ANXA5: variants seen among roughly 807,000 people sequenced by gnomAD.
ANXA5 encodes the protein annexin A5, also known as CBP-I.
Under a neutral mutation model 48.1 loss-of-function variants are expected in ANXA5, and 40 were observed. The observed-to-expected ratio is 0.83, with a 90% confidence interval of 0.65 to 1.08. The LOEUF (loss-of-function observed/expected upper bound fraction) is 1.08, where lower values mean the gene tolerates loss of function less well. ANXA5 is among the 50% of genes least tolerant of loss of function. ANXA5 has a pLI of 0.00. For missense variants in ANXA5, 357 were observed against 376.8 expected, an observed-to-expected ratio of 0.95 and a Z score of 0.44; for synonymous variants, 113 against 129.1, an observed-to-expected ratio of 0.88 and a Z score of 0.85.
rs770783558 is a variant in ANXA5 at position 121,686,304 on chromosome 4, C to T, written c.78G>A (p.Lys26=). 1 of 1,613,990 alleles carries T rather than the reference C, an allele frequency of 6.2e-7. No homozygotes were observed. The highest frequency in any genetic ancestry group is 8.5e-7 in the Non-Finnish European group (1 of 1,179,922). Residue 26 remains lysine (K), a synonymous_variant, in exon 3 of 13, where the codon AAG becomes AAA. Transcript: ENST00000296511. ...DERADAETLR[K]AMKGLGTDEE... is the part of the protein sequence containing the mutation. The stretch of plus-strand genomic sequence containing the variant: ...TAAATTTACCCAAGCCTTTCATAGC[C>T]TTCCGAAGAGTTTCTGCATCAGCCC...
In ANXA5 at chr4:121,668,269, C is replaced by T. The variant is rs1423490809; in HGVS notation, c.*199G>A. ...TAACATTAAGTACACTTTAGTACTA[C>T]AGCAGTCAAAGAGATCTCCACTAGA... is the stretch of plus-strand genomic sequence containing the variant. On this transcript the variant is annotated 3_prime_UTR_variant, in exon 13 of 13. Transcript: ENST00000296511. The T allele has an allele frequency of 5.6e-6, 3 of 538,678 alleles. No homozygotes were observed. The highest frequency in any genetic ancestry group is 1.0e-5 in the Non-Finnish European group (3 of 301,262). 33.4% of individuals were successfully genotyped at this position (538,678 alleles called of 1,614,324 possible).
At chr4:121,669,774 CAT>C in intron 11 of ANXA5, 50 bp from the exon 12 acceptor site, 1 of 1,563,214 alleles carries the variant, frequency 6.4e-7, no homozygotes, top group Non-Finnish European at 8.6e-7. Flanking sequence ...AAACTTCAAA[CAT>C]AGGATCAAAT....
At chr4:121,678,927 A>G (rs1724745449) in intron 6 of ANXA5, among the ~76,000 whole-genome samples, 1 of 152,150 alleles carries the variant, frequency 6.6e-6, no homozygotes, top group African/African-American at 2.4e-5. Context: ...CACTCCTAAT[A>G]AGGTATTTTT....
chr4:121,681,005 A>C (rs1421732640), intron 6 of ANXA5, among the ~76,000 whole-genome samples: 2 of 152,194 alleles, frequency 1.3e-5, no homozygotes, highest in African/African-American at 4.8e-5. Context: ...GAAACTGGAT[A>C]GTCTGACCCT....
rs1416720875 is a variant in ANXA5 at position 121,678,089 on chromosome 4, T to G, written c.475-139A>C. On this transcript the variant is annotated intron_variant, in intron 7 of 12. Coordinates refer to ENST00000296511, the MANE Select transcript of ANXA5 (RefSeq NM_001154.4). ...TTTATTAAGATCAATCCTGCACTAT[T>G]TCACGTTATCATCACCCAGCACTGT... 2.1e-5 allele frequency: 15 copies of G among 723,602 alleles called. 1 individual carries two copies. The highest frequency in any genetic ancestry group is 5.3e-5 in the African/African-American group (3 of 56,634). 44.8% of individuals were successfully genotyped at this position (723,602 alleles called of 1,614,324 possible).
At chr4:121,683,021 A>C (rs775445310) in intron 5 of ANXA5, among the ~76,000 whole-genome samples, 7 of 152,146 alleles carry the variant, frequency 4.6e-5, no homozygotes, top group Non-Finnish European at 1.0e-4. Flanking sequence ...TTCCCTAATC[A>C]GGCAATTTTC....
At position 121,668,521 on chromosome 4, in the gene ANXA5, T is replaced by C. The variant is rs1724558687; in HGVS notation, c.910A>G (p.Thr304Ala). The change falls in exon 13 of 13, where the codon ACA (threonine) becomes GCA (alanine). Residue 304 changes from threonine to alanine, a missense_variant. By Grantham distance (58) the Thr-to-Ala change is moderately conservative. Coordinates refer to ENST00000296511, the MANE Select transcript of ANXA5 (RefSeq NM_001154.4). Reference protein sequence around the residue: ...TSLYSMIKGDTSGDYKKALLL... With the variant: ...TSLYSMIKGDASGDYKKALLL... ...AGAGCTTTCTTATAGTCCCCAGATG[T>C]ATCTCCCTGAAACCAAATGTATTCC... 1 of 1,613,166 alleles carries C rather than the reference T, an allele frequency of 6.2e-7. No individual in the cohort carries two copies. The highest frequency in any genetic ancestry group is 1.3e-5 in the African/African-American group (1 of 74,846).
chr4:121,687,812 G>T (rs1360962555), intron 2 of ANXA5, among the ~76,000 whole-genome samples: 1 of 152,146 alleles, frequency 6.6e-6, no homozygotes, highest in Non-Finnish European at 1.5e-5. Context: ...ACCACACTTT[G>T]AAGAGGCTCC....
rs549776754 is a variant in ANXA5, at chr4:121,669,471, C to T, written c.903+131G>A. ...GGAAACATTATGCTAAGCTTTTTAA[C>T]TCATTGCTCTAATCGTGTCACTAAA... On this transcript the variant is annotated intron_variant, in intron 12 of 12. Coordinates refer to ENST00000296511, the MANE Select transcript of ANXA5 (RefSeq NM_001154.4). The T allele has an allele frequency of 1.1e-5, 12 of 1,108,728 alleles. No individual in the cohort carries two copies. In the South Asian group the frequency reaches 1.8e-4, roughly 17 times the overall value. 68.7% of individuals were successfully genotyped at this position (1,108,728 alleles called of 1,614,324 possible).
intron 4 of ANXA5, 89 bp downstream of exon 4, chr4:121,684,588 G>C: frequency 9.2e-7 from 1 of 1,085,682 alleles, no homozygotes; most frequent in Admixed American, 2.2e-5. Context: ...AATAAATGAT[G>C]CTTACAAAAG....
intron 10 of ANXA5, among the ~76,000 whole-genome samples, 178 bp downstream of exon 10, chr4:121,671,369 C>T (rs1724610238): frequency 6.6e-6 from 1 of 152,148 alleles, no homozygotes; most frequent in South Asian, 2.1e-4. Context: ...ACCAGACAAT[C>T]CTGTATTTCC....
intron 2 of ANXA5, among the ~76,000 whole-genome samples, chr4:121,693,616 G>A (rs1167100724): frequency 6.6e-6 from 1 of 152,202 alleles, no homozygotes; most frequent in Admixed American, 6.5e-5. Context: ...ATTAGATAAG[G>A]AAATCAGGGT....
chr4:121,683,333 C>T (rs1412216228), intron 5 of ANXA5, 31 bp downstream of exon 5: 1 of 1,356,868 alleles, frequency 7.4e-7, no homozygotes, highest in African/African-American at 1.5e-5. Flanking sequence ...ACTATCTATG[C>T]AAGAATGTTC....
intron 2 of ANXA5, 33 bp from the exon 3 acceptor site, chr4:121,686,405 TC>T: frequency 4.8e-6 from 7 of 1,457,604 alleles, no homozygotes; most frequent in Non-Finnish European, 6.7e-6. Context: ...ATTATTCATA[TC>T]ATGACTAATA....
In ANXA5 at chr4:121,668,398, A is replaced by C. The variant is rs1724555473; in HGVS notation, c.*70T>G. On this transcript the variant is annotated 3_prime_UTR_variant, in exon 13 of 13. Transcript: ENST00000296511. ...GTGTTAAGCACTGGCATACAAATGC[A>C]GCTAAAGGTGCTGAAGGAAGGCAGT... 8.8e-6 allele frequency: 12 copies of C among 1,362,214 alleles called. No individual in the cohort carries two copies. 84.4% of individuals were successfully genotyped at this position (1,362,214 alleles called of 1,614,324 possible). A position where few individuals can be genotyped will look rare whatever the true frequency, so the allele number is the denominator to read the frequency against.
intron 2 of ANXA5, 124 bp from the exon 3 acceptor site, chr4:121,686,496 G>A: frequency 1.4e-6 from 1 of 732,744 alleles, no homozygotes; most frequent in Admixed American, 2.5e-5. Flanking sequence ...CATTTGATAA[G>A]ATTTGTGACC....
At chr4:121,686,505 C>A in intron 2 of ANXA5, 133 bp from the exon 3 acceptor site, 1 of 703,092 alleles carries the variant, frequency 1.4e-6, no homozygotes, top group Non-Finnish European at 2.4e-6. Context: ...AGATTTGTGA[C>A]CCCTTTTGAA....
rs1724631902 is a variant in ANXA5, at chr4:121,672,633, A to G, written c.532-7T>C. ...CTCCAGCCTGAAATAAAGCCTGCAA[A>G]AATTTCAAACTCAATTAATAAATTG... On this transcript the variant is annotated splice_region_variant and splice_polypyrimidine_tract_variant and intron_variant, in intron 8 of 12. Coordinates refer to ENST00000296511, the MANE Select transcript of ANXA5 (RefSeq NM_001154.4). 1.9e-6 allele frequency: 3 copies of G among 1,608,610 alleles called. No individual in the cohort carries two copies. The highest frequency in any genetic ancestry group is 2.6e-6 in the Non-Finnish European group (3 of 1,175,546).
chr4:121,669,487 T>C, intron 12 of ANXA5, 115 bp downstream of exon 12: 3 of 1,279,342 alleles, frequency 2.3e-6, no homozygotes, highest in East Asian at 2.3e-5. Context: ...GCTCTAATCG[T>C]GTCACTAAAA....
Sources: gnomAD v4.1 joint callset for allele counts (sites outside exome capture counted in the v4.1 genomes callset) on GRCh38, gnomAD v4.1.1 for gene constraint, MANE v1.5 for transcripts, NCBI Gene and HGNC (gene_info 2026-07-23, HGNC 2026-07-21) for gene names.